CALN1: variants seen among roughly 807,000 people sequenced by gnomAD.
CALN1 encodes calcium-binding protein 8.
Under a neutral mutation model 30.6 loss-of-function variants are expected in CALN1, and 17 were observed. The observed-to-expected ratio is 0.56, with a 90% CI of 0.38 to 0.83. The LOEUF is 0.83. Ranked by LOEUF, CALN1 falls within the 40% of genes least tolerant of loss-of-function variation. CALN1 has a pLI of 0.00. For missense variants in CALN1, 291 were observed against 354.9 expected, an observed-to-expected ratio of 0.82 and a Z score of 1.45; for synonymous variants, 156 against 131.4, an observed-to-expected ratio of 1.19 and a Z score of -1.28.
At chr7:72,474,989 C>T in the CALN1 span, among the ~76,000 whole-genome samples, 1 of 152,304 alleles carries the variant, frequency 6.6e-6, no homozygotes, top group Non-Finnish European at 1.5e-5. Context: ...TTGTCCCCCC[C>T]AAGCCTGGGG....
chr7:72,374,649 C>T (rs1235519474), intron 2 of CALN1, among the ~76,000 whole-genome samples: 1 of 151,834 alleles, frequency 6.6e-6, no homozygotes, highest in African/African-American at 2.4e-5. Context: ...TTAGAGCTAG[C>T]ATCATTTTAA....
chr7:72,150,934 GC>G (rs1787194487), intron 3 of CALN1, among the ~76,000 whole-genome samples: 1 of 151,260 alleles, frequency 6.6e-6, no homozygotes, highest in Admixed American at 6.6e-5. Flanking sequence ...TCATGAGCCT[GC>G]ATCATGAGGC....
At chr7:72,317,074 C>G (rs9647949) in intron 2 of CALN1, among the ~76,000 whole-genome samples, 46,719 of 91,200 alleles carry the variant, frequency 0.51, 9,688 homozygotes, top group Middle Eastern at 0.64. Flanking sequence ...GAAAGAGAGA[C>G]ACAGAAAGAG....
At position 72,226,616 on chromosome 7, in the gene CALN1, A is replaced by G. The variant is rs75323050; in HGVS notation, c.244+52070T>C. 3.0e-3 allele frequency among the ~76,000 whole-genome samples: 456 copies of G among 152,332 alleles called. 2 individuals carry two copies. Among genetic ancestry groups the G allele is most frequent in the African/African-American group, 0.01 (432 of 41,590 alleles). ...GACAGGATAAAAGTTATGATCCCCA[A>G]ACACATCTTCCTACACTGTAGAGAT... On this transcript the variant is annotated intron_variant, in intron 3 of 6. Transcript: ENST00000395275.
At chr7:72,277,844 ACTTCT>A (rs1309949642) in intron 3 of CALN1, among the ~76,000 whole-genome samples, 1 of 152,146 alleles carries the variant, frequency 6.6e-6, no homozygotes, top group Non-Finnish European at 1.5e-5. Flanking sequence ...GGTAATTTTG[ACTTCT>A]CTACTTGAGA....
In CALN1 at chr7:72,149,698, A is replaced by G. The variant is rs150703531; in HGVS notation, c.245-43404T>C. On this transcript the variant is annotated intron_variant, in intron 3 of 6. Coordinates refer to ENST00000395275, the MANE Select transcript of CALN1 (RefSeq NM_031468.4). The stretch of plus-strand genomic sequence containing the variant: ...AGGCAGATTTGAGATTTGTTCTCCT[A>G]TCTCCTCACACAGCACTGCATTGTG... Among the ~76,000 whole-genome samples the G allele has an allele frequency of 1.8e-3, 279 of 152,128 alleles. 5 individuals are homozygous for G. The East Asian group carries it at 0.038, about 21-fold the overall frequency.
At chr7:72,350,577 T>C (rs949293423) in intron 2 of CALN1, among the ~76,000 whole-genome samples, 3 of 152,184 alleles carry the variant, frequency 2.0e-5, no homozygotes, top group South Asian at 2.1e-4. Context: ...GAGCTAAACA[T>C]TGAGTACATA....
At chr7:72,250,217 A>G (rs17503801) in intron 3 of CALN1, among the ~76,000 whole-genome samples, 2,450 of 152,310 alleles carry the variant, frequency 0.016, 36 homozygotes, top group African/African-American at 0.032. Context: ...TGGGATCTAA[A>G]TAAGATGATT....
At chr7:72,044,275 A>G (rs894273304) in intron 4 of CALN1, among the ~76,000 whole-genome samples, 4 of 152,116 alleles carry the variant, frequency 2.6e-5, no homozygotes, top group Non-Finnish European at 5.9e-5. Context: ...TTGTGCTCAG[A>G]GCTGAAGCCC....
chr7:71,896,294 AC>A (rs1368787580), intron 5 of CALN1, among the ~76,000 whole-genome samples: 1 of 152,164 alleles, frequency 6.6e-6, no homozygotes, highest in Non-Finnish European at 1.5e-5. Flanking sequence ...CATAAACTCG[AC>A]AATTGAGGGC....
intron 3 of CALN1, among the ~76,000 whole-genome samples, chr7:72,151,857 G>A (rs920166409): frequency 3.3e-5 from 5 of 151,258 alleles, no homozygotes; most frequent in African/African-American, 9.7e-5. Context: ...GACTACAGGT[G>A]CATATCACCA....
rs1018598671 is a variant in CALN1 at position 72,304,498 on chromosome 7, T to TA, written c.120-25689dup. Among the ~76,000 whole-genome samples, 3 of 151,876 alleles carry TA rather than the reference T, an allele frequency of 2.0e-5. No individual in the cohort carries two copies. The East Asian group carries it at 5.9e-4, about 30-fold the overall frequency. On this transcript the variant is annotated intron_variant, in intron 2 of 6. Coordinates refer to ENST00000395275, the MANE Select transcript of CALN1 (RefSeq NM_031468.4). ...ATCTCTACAAAATTAAAATGAATTTTAAAAAAAATCAAGTAAGCACTTTAC... is the reference window on the plus strand; with the variant it reads ...ATCTCTACAAAATTAAAATGAATTTTAAAAAAAAATCAAGTAAGCACTTTAC...
intron 3 of CALN1, among the ~76,000 whole-genome samples, chr7:72,199,959 G>A (rs1157079044): frequency 6.6e-6 from 1 of 152,122 alleles, no homozygotes. Context: ...ATGAAACAAT[G>A]ACGGGCAGCC....
intron 2 of CALN1, among the ~76,000 whole-genome samples, chr7:72,356,622 T>C (rs941616897): frequency 6.6e-6 from 1 of 151,900 alleles, no homozygotes; most frequent in African/African-American, 2.4e-5. Flanking sequence ...TTTCAAAAAT[T>C]GGATACACCT....
chr7:72,157,957 C>A (rs1787826462), intron 3 of CALN1, among the ~76,000 whole-genome samples: 1 of 152,172 alleles, frequency 6.6e-6, no homozygotes, highest in Admixed American at 6.5e-5. Flanking sequence ...GTTGGCCAGG[C>A]TGGTCTTGAA....
upstream of CALN1, among the ~76,000 whole-genome samples, chr7:72,413,358 C>T (rs1807302013): frequency 1.3e-5 from 2 of 151,738 alleles, no homozygotes; most frequent in East Asian, 1.9e-4. Flanking sequence ...TTTACATACA[C>T]TCATCCACAC....
intron 5 of CALN1, among the ~76,000 whole-genome samples, chr7:71,932,871 T>C (rs987026251): frequency 6.6e-6 from 1 of 151,244 alleles, no homozygotes; most frequent in Non-Finnish European, 1.5e-5. Flanking sequence ...TATGGGAAGA[T>C]TTTTATTCTG....
chr7:72,046,212 C>G (rs1802461195), intron 4 of CALN1, among the ~76,000 whole-genome samples: 1 of 151,968 alleles, frequency 6.6e-6, no homozygotes, highest in African/African-American at 2.4e-5. Flanking sequence ...ACTCAGAAAG[C>G]TGAGGTGGAA....
At chr7:72,018,612 A>G (rs1800534020) in intron 5 of CALN1, among the ~76,000 whole-genome samples, 1 of 152,156 alleles carries the variant, frequency 6.6e-6, no homozygotes, top group South Asian at 2.1e-4. Flanking sequence ...ACCCTGGGGC[A>G]TGACTCTCAG....
Sources: allele counts gnomAD v4.1 joint callset (sites outside exome capture counted in the v4.1 genomes callset), GRCh38; gene constraint gnomAD v4.1.1; transcripts MANE v1.5; gene names NCBI Gene and HGNC (gene_info 2026-07-23, HGNC 2026-07-21).